The following SP100 variants were observed in gnomAD, a reference collection of about 807,000 sequenced individuals.
The protein encoded by SP100 is nuclear autoantigen Sp-100.
In SP100, 84 loss-of-function variants were observed where a neutral mutation model predicts 130.0. That is an observed-to-expected ratio of 0.65 (90% CI 0.54 to 0.77). The LOEUF is 0.77. Among genes scored for constraint, SP100 ranks in the 30% least tolerant of loss-of-function variants. SP100 has a pLI of 0.00. For synonymous variants in SP100, 331 were observed against 351.7 expected (o/e 0.94, Z 0.66); for missense variants, 978 against 1,052.2 (o/e 0.93, Z 0.97).
At chr2:230,522,476 C>T (rs377313466) in intron 24 of SP100, among the ~76,000 whole-genome samples, 293 of 82,024 alleles carry the variant, frequency 3.6e-3, no homozygotes, top group Middle Eastern at 0.017. Context: ...CCCCAGTGTT[C>T]TTTTTTTTTT....
intron 12 of SP100, among the ~76,000 whole-genome samples, 174 bp from the exon 13 acceptor site, chr2:230,466,946 C>T (rs1211782333): frequency 6.6e-6 from 1 of 150,782 alleles, no homozygotes; most frequent in Non-Finnish European, 1.5e-5. Context: ...TAACCTTGAG[C>T]CACACAAATC....
intron 24 of SP100, chr2:230,538,999 C>CA (rs1219663943): frequency 4.2e-5 from 12 of 285,674 alleles, no homozygotes; most frequent in Non-Finnish European, 7.5e-5. Context: ...ATAAATTGCT[C>CA]AAAAAATCTC....
At chr2:230,524,619 T>C (rs1691341149) in intron 24 of SP100, among the ~76,000 whole-genome samples, 2 of 152,114 alleles carry the variant, frequency 1.3e-5, no homozygotes, top group Non-Finnish European at 1.5e-5. Flanking sequence ...TAAAAATAAA[T>C]AAAATATAAA....
At chr2:230,472,209 A>G (rs1477034116) in intron 15 of SP100, among the ~76,000 whole-genome samples, 1 of 152,084 alleles carries the variant, frequency 6.6e-6, no homozygotes, top group Non-Finnish European at 1.5e-5. Context: ...TGGGCGGATC[A>G]CGAGGTCAGG....
At chr2:230,518,021 T>C (rs1004657990) in intron 24 of SP100, among the ~76,000 whole-genome samples, 2 of 152,174 alleles carry the variant, frequency 1.3e-5, no homozygotes, top group Admixed American at 6.5e-5. Flanking sequence ...AACCTTATTA[T>C]GACTTAGACT....
chr2:230,465,211 G>A (rs1029863897), intron 11 of SP100, among the ~76,000 whole-genome samples: 1 of 151,010 alleles, frequency 6.6e-6, no homozygotes, highest in African/African-American at 2.5e-5. Context: ...ACTCCAGCCT[G>A]GGTGACAGAG....
At chr2:230,423,194 T>C (rs1157254272) in intron 2 of SP100, among the ~76,000 whole-genome samples, 1 of 152,194 alleles carries the variant, frequency 6.6e-6, no homozygotes, top group East Asian at 1.9e-4. Flanking sequence ...ATTTCTCCTG[T>C]TATTTTTAGT....
At position 230,464,133 on chromosome 2, in the gene SP100, G is replaced by T. The variant is rs758471253; in HGVS notation, c.1124G>T (p.Arg375Leu). 2.5e-6 allele frequency: 4 copies of T among 1,609,196 alleles called. No homozygotes were observed. In the South Asian group the frequency reaches 3.3e-5, roughly 13 times the overall value. Reference protein sequence around the residue: ...EKEGQEATCSRPQIVPEPMDF... With the variant: ...EKEGQEATCSLPQIVPEPMDF... ...GAGGGCCAAGAAGCCACTTGCTCAC[G>T]ACCCCAGATTGTACCAGGTAAGAAT... Residue 375 changes from arginine to leucine, a missense_variant, in exon 11 of 29, where the codon CGA (arginine) becomes CTA (leucine). Transcript: ENST00000340126.
rs1559541729 is a variant in SP100 at position 230,542,827 on chromosome 2, C to CT, written c.2548-3dup. On this transcript the variant is annotated splice_polypyrimidine_tract_variant and intron_variant, in intron 28 of 28. Transcript: ENST00000340126. ...AACTGCTATATTGTTTTTTTCTTTG[C>CT]TTTTTTAGGAAGATAAATTCACCAG... 6.4e-7 allele frequency: 1 copy of CT among 1,559,002 alleles called. No individual in the cohort carries two copies. The highest frequency in any genetic ancestry group is 2.2e-5 in the East Asian group (1 of 44,542).
intron 17 of SP100, among the ~76,000 whole-genome samples, chr2:230,485,721 T>C (rs1287090085): frequency 2.6e-5 from 4 of 152,236 alleles, no homozygotes; most frequent in Non-Finnish European, 2.9e-5. Context: ...GAGTCTTGTA[T>C]ACATGATAAA....
intron 17 of SP100, among the ~76,000 whole-genome samples, chr2:230,478,493 A>T (rs1382795340): frequency 6.6e-6 from 1 of 152,212 alleles, no homozygotes; most frequent in Non-Finnish European, 1.5e-5. Flanking sequence ...TTATGAAAAG[A>T]CACACTTCCA....
chr2:230,519,355 G>A (rs866539253), intron 24 of SP100, among the ~76,000 whole-genome samples: 1 of 152,194 alleles, frequency 6.6e-6, no homozygotes, highest in Non-Finnish European at 1.5e-5. Flanking sequence ...GGTGTCATTC[G>A]TTAGTCTTGG....
chr2:230,539,395 T>A lies in SP100; in HGVS notation c.2210+13T>A. 6.3e-7 allele frequency: 1 copy of A among 1,576,822 alleles called. No homozygotes were observed. Among genetic ancestry groups the A allele is most frequent in the Non-Finnish European group, 8.7e-7 (1 of 1,146,158 alleles). ...TGGAAGCTAACAAGTGAGTAAGACATGTCCCCTTCCCTGAGCCCTTCCTTC... is the reference window on the plus strand; with the variant it reads ...TGGAAGCTAACAAGTGAGTAAGACAAGTCCCCTTCCCTGAGCCCTTCCTTC... On this transcript the variant is annotated intron_variant, in intron 25 of 28. Transcript: ENST00000340126.
Position 230,461,390 on chromosome 2 carries a change from CA to C in SP100, c.950del (p.His317LeufsTer7), listed in dbSNP as rs1197163683. On this transcript the variant is annotated frameshift_variant, in exon 9 of 29. Transcript: ENST00000340126. LOFTEE classifies it high-confidence loss of function. ...VECQAQARTH[H>X]NQASDIIVIS... Reference sequence around the variant, plus strand: ...GTGCCAAGCCCAAGCAAGAACTCATCATAACCAGGCATCTGACATAATAGGT... The same window carrying C: ...GTGCCAAGCCCAAGCAAGAACTCATCTAACCAGGCATCTGACATAATAGGT... The C allele has an allele frequency of 1.2e-6, 2 of 1,614,006 alleles. No individual in the cohort carries two copies. Among genetic ancestry groups the C allele is most frequent in the African/African-American group, 1.3e-5 (1 of 74,920 alleles).
At chr2:230,475,990 T>C (rs1196226742) in intron 17 of SP100, among the ~76,000 whole-genome samples, 1 of 152,246 alleles carries the variant, frequency 6.6e-6, no homozygotes, top group Admixed American at 6.5e-5. Flanking sequence ...AGCTTTGTTC[T>C]TTTTGTTTAC....
At chr2:230,477,086 C>T (rs1159349797) in intron 17 of SP100, among the ~76,000 whole-genome samples, 2 of 152,008 alleles carry the variant, frequency 1.3e-5, no homozygotes, top group Admixed American at 6.6e-5. Flanking sequence ...AGGATGGTCT[C>T]GATCTCCTGA....
Position 230,446,887 on chromosome 2 carries a change from C to G in SP100, c.508C>G (p.Leu170Val). ...EEREERSGLQ[L>V]SLEQGTGENS... ...GAGGGAGGAGAGGTCTGGCCTCCAA[C>G]TAAGTCTTGAACAAGGTAAAAATGA... The change falls in exon 5 of 29, where the codon CTA becomes GTA. Residue 170 changes from leucine (L) to valine (V), a missense_variant. By Grantham distance (32) the Leu-to-Val change is conservative. Transcript: ENST00000340126. 6.2e-7 allele frequency: 1 copy of G among 1,608,412 alleles called. No individual in the cohort carries two copies. The highest frequency in any genetic ancestry group is 2.2e-5 in the East Asian group (1 of 44,756).
intron 24 of SP100, among the ~76,000 whole-genome samples, chr2:230,522,216 T>C (rs915166664): frequency 1.3e-5 from 2 of 151,840 alleles, no homozygotes; most frequent in African/African-American, 2.4e-5. Context: ...TTGGGGCTTG[T>C]TTGTTGTGGC....
intron 24 of SP100, among the ~76,000 whole-genome samples, chr2:230,531,246 A>G (rs1318111432): frequency 6.6e-6 from 1 of 152,242 alleles, no homozygotes; most frequent in Non-Finnish European, 1.5e-5. Flanking sequence ...GCCATAAAAA[A>G]GGATGAGTTT....
Sources: allele counts gnomAD v4.1 joint callset (sites outside exome capture counted in the v4.1 genomes callset), GRCh38; gene constraint gnomAD v4.1.1; transcripts MANE v1.5; gene names NCBI Gene and HGNC (gene_info 2026-07-23, HGNC 2026-07-21).